MIEN1: variants seen among roughly 807,000 people sequenced by gnomAD.
MIEN1 encodes the protein HBV X-transactivated gene 4 protein.
MIEN1 carries 12 observed loss-of-function variants against 15.5 expected under a neutral mutation model. The observed-to-expected ratio is 0.78, with a 90% CI of 0.50 to 1.26. The LOEUF (loss-of-function observed/expected upper bound fraction) is 1.26. Ranked by LOEUF, MIEN1 falls within the 50% of genes most tolerant of loss-of-function variation. MIEN1 has a pLI of 0.00. For synonymous variants in MIEN1, 63 were observed against 62.8 expected (o/e 1.00, Z -0.02); for missense variants, 160 against 151.7 (o/e 1.05, Z -0.29).
chr17:39,730,295 G>A lies in MIEN1; in HGVS notation c.90-4C>T, dbSNP rs1043952417. ...CGCCTCGAAGCCGCAGGGTTCACTGGGGAGTCAAGAGATGGGGCTGGGCTG... is the reference window on the plus strand; with the variant it reads ...CGCCTCGAAGCCGCAGGGTTCACTGAGGAGTCAAGAGATGGGGCTGGGCTG... On this transcript the variant is annotated splice_polypyrimidine_tract_variant and splice_region_variant and intron_variant, in intron 1 of 3. Coordinates refer to ENST00000394231, the MANE Select transcript of MIEN1 (RefSeq NM_032339.5). The A allele has an allele frequency of 1.9e-6, 3 of 1,602,968 alleles. No individual in the cohort carries two copies. The highest frequency in any genetic ancestry group is 2.7e-5 in the African/African-American group (2 of 74,806).
rs2059898830 is a variant in MIEN1 at position 39,728,527 on chromosome 17, A to G, written c.*995T>C. On this transcript the variant is annotated 3_prime_UTR_variant, in exon 4 of 4. Coordinates refer to ENST00000394231, the MANE Select transcript of MIEN1 (RefSeq NM_032339.5). ...CAGAGTGCTTTTCTGTTTAGTTTTT[A>G]CTTTTTTTGTTTTGTTTTTTTAAAG... The G allele has an allele frequency of 8.5e-6, 2 of 235,860 alleles. No individual in the cohort carries two copies. Among genetic ancestry groups the G allele is most frequent in the Non-Finnish European group, 1.7e-5 (2 of 120,154 alleles). The allele number at this position is 235,860 out of a possible 1,614,324, so 14.6% of individuals were successfully genotyped here.
chr17:39,729,540 A>G lies in MIEN1; in HGVS notation c.330T>C (p.Pro110=). ...ETLEKITNSR[P]PCVIL ...TGTGCAGTCACAGGATGACGCAGGG[A>G]GGACGGCTGTTGGTGATCTTTTCTA... Residue 110 remains proline (P), a synonymous_variant, in exon 4 of 4, where the codon CCT becomes CCC. Coordinates refer to ENST00000394231, the MANE Select transcript of MIEN1 (RefSeq NM_032339.5). The G allele has an allele frequency of 1.2e-6, 2 of 1,613,944 alleles. No homozygotes were observed. The highest frequency in any genetic ancestry group is 1.7e-6 in the Non-Finnish European group (2 of 1,180,014).
chr17:39,729,442 C>A lies in MIEN1; in HGVS notation c.*80G>T. ...TAAGGAGCTAAGTAGGGGAAAGAGG[C>A]AGGGGGAGCTCCCAGCAGGACCAAA... is the stretch of plus-strand genomic sequence containing the variant. On this transcript the variant is annotated 3_prime_UTR_variant, in exon 4 of 4. Coordinates refer to ENST00000394231, the MANE Select transcript of MIEN1 (RefSeq NM_032339.5). The A allele has an allele frequency of 1.9e-6, 3 of 1,575,870 alleles. No individual in the cohort carries two copies. Among genetic ancestry groups the A allele is most frequent in the Admixed American group, 3.4e-5 (2 of 58,170 alleles).
chr17:39,729,305 G>A lies in MIEN1; in HGVS notation c.*217C>T, dbSNP rs139936417. On this transcript the variant is annotated 3_prime_UTR_variant, in exon 4 of 4. Coordinates refer to ENST00000394231, the MANE Select transcript of MIEN1 (RefSeq NM_032339.5). ...CACTTACCCTGGGAAGGGGGTATGA[G>A]GTGGCTGGAGAAGTGTTCATGGAGA... 4.5e-4 allele frequency: 272 copies of A among 599,238 alleles called. 1 individual carries two copies. In the East Asian group the frequency reaches 5.1e-3, roughly 11 times the overall value. 37.1% of individuals were successfully genotyped at this position (599,238 alleles called of 1,614,324 possible).
Position 39,729,718 on chromosome 17 carries a change from C to G in MIEN1, c.231G>C (p.Lys77Asn), listed in dbSNP as rs779088848. 6.2e-7 allele frequency: 1 copy of G among 1,614,088 alleles called. No individual in the cohort carries two copies. The highest frequency in any genetic ancestry group is 1.1e-5 in the South Asian group (1 of 91,082). ...CATAGGGAAAGCCCCCATTCTCCAG[C>G]TTGGAGAACACCAGCTGTCCATTTA... ...IEINGQLVFS[K>N]LENGGFPYEK... Residue 77 changes from lysine to asparagine, a missense_variant, in exon 3 of 4, where the codon AAG (lysine) becomes AAC (asparagine). By Grantham distance (94) the Lys-to-Asn change is moderately conservative. Transcript: ENST00000394231.
chr17:39,729,463 C>G lies in MIEN1; in HGVS notation c.*59G>C. The G allele has an allele frequency of 6.2e-7, 1 of 1,610,118 alleles. No homozygotes were observed. Among genetic ancestry groups the G allele is most frequent in the South Asian group, 1.1e-5 (1 of 90,782 alleles). ...GAGGCAGGGGGAGCTCCCAGCAGGA[C>G]CAAAGGGAGACCAAGGTTTGGACCC... is the stretch of plus-strand genomic sequence containing the variant. On this transcript the variant is annotated 3_prime_UTR_variant, in exon 4 of 4. Coordinates refer to ENST00000394231, the MANE Select transcript of MIEN1 (RefSeq NM_032339.5).
In MIEN1 at chr17:39,729,400, G is replaced by A. The variant is rs1287692464; in HGVS notation, c.*122C>T. ...CTTTGTACCCAAAGGGCAAAGTGGA[G>A]GCCAGGGTCTCTTTGCTAAGGAGCT... On this transcript the variant is annotated 3_prime_UTR_variant, in exon 4 of 4. Transcript: ENST00000394231. 3.2e-6 allele frequency: 4 copies of A among 1,254,708 alleles called. No individual in the cohort carries two copies. Among genetic ancestry groups the A allele is most frequent in the Middle Eastern group, 2.8e-4 (1 of 3,576 alleles). The allele number at this position is 1,254,708 out of a possible 1,614,324, so 77.7% of individuals were successfully genotyped here. A position where few individuals can be genotyped will look rare whatever the true frequency, so the allele number is the denominator to read the frequency against.
In MIEN1 at chr17:39,728,841, G is replaced by C. The variant is rs1429333727; in HGVS notation, c.*681C>G. 2 of 199,804 alleles carry C rather than the reference G, an allele frequency of 1.0e-5. No homozygotes were observed. Among genetic ancestry groups the C allele is most frequent in the African/African-American group, 4.6e-5 (2 of 43,434 alleles). The allele number at this position is 199,804 out of a possible 1,614,324, so 12.4% of individuals were successfully genotyped here. ...ATCGGGAAGCTGGATTCAGATCTGA[G>C]AGCCCTTTGACGACCAGATCATTCT... On this transcript the variant is annotated 3_prime_UTR_variant, in exon 4 of 4. Transcript: ENST00000394231.
intron 1 of MIEN1, 24 bp from the exon 2 acceptor site, chr17:39,730,315 G>A (rs764211016): frequency 3.8e-6 from 6 of 1,588,262 alleles, no homozygotes; most frequent in Non-Finnish European, 5.1e-6. Context: ...AGATGGGGCT[G>A]GGCTGGGGAT....
chr17:39,729,249 C>G lies in MIEN1; in HGVS notation c.*273G>C, dbSNP rs537652556. The G allele has an allele frequency of 1.9e-6, 1 of 518,842 alleles. No homozygotes were observed. The highest frequency in any genetic ancestry group is 1.9e-5 in the African/African-American group (1 of 52,558). The allele number at this position is 518,842 out of a possible 1,614,324, so 32.1% of individuals were successfully genotyped here. A position where few individuals can be genotyped will look rare whatever the true frequency, so the allele number is the denominator to read the frequency against. On this transcript the variant is annotated 3_prime_UTR_variant, in exon 4 of 4. Transcript: ENST00000394231. ...ATCTGTGGCATCAGACAGGTATTAC[C>G]GAGGCGAAGAGTGGACTGGGCTTTC...
In MIEN1 at chr17:39,729,510, A is replaced by C. The variant is rs749371206; in HGVS notation, c.*12T>G. 1 of 1,613,298 alleles carries C rather than the reference A, an allele frequency of 6.2e-7. No homozygotes were observed. Among genetic ancestry groups the C allele is most frequent in the South Asian group, 1.1e-5 (1 of 91,058 alleles). On this transcript the variant is annotated 3_prime_UTR_variant, in exon 4 of 4. Transcript: ENST00000394231. ...ACCCCAGAACAGAGCAGGAACCCAG[A>C]GTCCTGTGCAGTCACAGGATGACGC...
Position 39,730,458 on chromosome 17 carries a change from G to A in MIEN1, c.38C>T (p.Pro13Leu). ...GEPGQTSVAP[P>L]PEEVEPGSGV... is the part of the protein sequence containing the mutation. Reference sequence around the variant, plus strand: ...ACTGCCCGGCTCGACCTCCTCGGGAGGGGGCGCTACGGACGTCTGCCCCGG... The same window carrying A: ...ACTGCCCGGCTCGACCTCCTCGGGAAGGGGCGCTACGGACGTCTGCCCCGG... The change falls in exon 1 of 4, where the codon CCT becomes CTT. Residue 13 changes from proline (P) to leucine (L), a missense_variant. Transcript: ENST00000394231. 6.5e-7 allele frequency: 1 copy of A among 1,547,034 alleles called. No individual in the cohort carries two copies. Among genetic ancestry groups the A allele is most frequent in the Non-Finnish European group, 8.7e-7 (1 of 1,147,840 alleles).
In MIEN1 at chr17:39,730,500, G is replaced by A; in HGVS notation, c.-5C>T. On this transcript the variant is annotated 5_prime_UTR_variant, in exon 1 of 4. Transcript: ENST00000394231. Reference sequence around the variant, plus strand: ...CTGCCCCGGCTCCCCGCTCATCGCGGCCGGCTCCGCTCGGGCCCCTGCTTC... The same window carrying A: ...CTGCCCCGGCTCCCCGCTCATCGCGACCGGCTCCGCTCGGGCCCCTGCTTC... 1.3e-6 allele frequency: 2 copies of A among 1,530,734 alleles called. No individual in the cohort carries two copies. The highest frequency in any genetic ancestry group is 8.7e-7 in the Non-Finnish European group (1 of 1,143,468). The allele number at this position is 1,530,734 out of a possible 1,614,324, so 94.8% of individuals were successfully genotyped here.
At position 39,728,886 on chromosome 17, in the gene MIEN1, C is replaced by T. The variant is rs2059910601; in HGVS notation, c.*636G>A. ...CATTCTTATTTAGAACGAACTAATTCCTAAGGCCACTCACCAGAATGGGGT... is the reference window on the plus strand; with the variant it reads ...CATTCTTATTTAGAACGAACTAATTTCTAAGGCCACTCACCAGAATGGGGT... On this transcript the variant is annotated 3_prime_UTR_variant, in exon 4 of 4. Coordinates refer to ENST00000394231, the MANE Select transcript of MIEN1 (RefSeq NM_032339.5). 5.4e-6 allele frequency: 1 copy of T among 185,410 alleles called. No homozygotes were observed. The highest frequency in any genetic ancestry group is 1.1e-5 in the Non-Finnish European group (1 of 87,802). The allele number at this position is 185,410 out of a possible 1,614,324, so 11.5% of individuals were successfully genotyped here.
chr17:39,729,907 G>T, intron 2 of MIEN1, 146 bp from the exon 3 acceptor site: 2 of 1,062,684 alleles, frequency 1.9e-6, no homozygotes, highest in East Asian at 2.5e-5. Flanking sequence ...CCAACCCTGG[G>T]TCAACTCCAG....
rs2059927502 is a variant in MIEN1, at chr17:39,730,058, T to C, written c.187+136A>G. Reference sequence around the variant, plus strand: ...CACCCCCTGACCTATGGAAGGGAACTCATGTTGGCCGGACATTTTACCATG... The same window carrying C: ...CACCCCCTGACCTATGGAAGGGAACCCATGTTGGCCGGACATTTTACCATG... On this transcript the variant is annotated intron_variant, in intron 2 of 3. Transcript: ENST00000394231. The C allele has an allele frequency of 1.3e-5, 11 of 867,852 alleles. No homozygotes were observed. In the South Asian group the frequency reaches 1.6e-4, roughly 13 times the overall value. The allele number at this position is 867,852 out of a possible 1,614,324, so 53.8% of individuals were successfully genotyped here.
rs781122588 is a variant in MIEN1, at chr17:39,729,756, A to T, written c.193T>A (p.Phe65Ile). 2 of 1,614,174 alleles carry T rather than the reference A, an allele frequency of 1.2e-6. No individual in the cohort carries two copies. Among genetic ancestry groups the T allele is most frequent in the Non-Finnish European group, 1.7e-6 (2 of 1,180,028 alleles). Reference protein sequence around the residue: ...IESRLGGTGAFEIEINGQLVF... With the variant: ...IESRLGGTGAIEIEINGQLVF... ...AGCTGTCCATTTATCTCTATCTCAA[A>T]GGCACCTGGTAAGAAATCAACAGAT... The change falls in exon 3 of 4, where the codon TTT becomes ATT. Residue 65 changes from phenylalanine (F) to isoleucine (I), a missense_variant. By Grantham distance (21) the Phe-to-Ile change is conservative (BLOSUM62 0). Coordinates refer to ENST00000394231, the MANE Select transcript of MIEN1 (RefSeq NM_032339.5).
Position 39,729,629 on chromosome 17 carries a change from G to C in MIEN1, c.265-24C>G, listed in dbSNP as rs201857334. Reference sequence around the variant, plus strand: ...AGCTAGAGGAGTGGAATGACAGGATGATGCACTGTTGGGGTAGGGTGACCA... The same window carrying C: ...AGCTAGAGGAGTGGAATGACAGGATCATGCACTGTTGGGGTAGGGTGACCA... On this transcript the variant is annotated intron_variant, in intron 3 of 3. Coordinates refer to ENST00000394231, the MANE Select transcript of MIEN1 (RefSeq NM_032339.5). 931 of 1,614,130 alleles carry C rather than the reference G, an allele frequency of 5.8e-4. 5 individuals are homozygous for C. Among genetic ancestry groups the C allele is most frequent in the Non-Finnish European group, 4.9e-5 (58 of 1,180,010 alleles).
chr17:39,728,818 C>T lies in MIEN1; in HGVS notation c.*704G>A, dbSNP rs143093863. On this transcript the variant is annotated 3_prime_UTR_variant, in exon 4 of 4. Transcript: ENST00000394231. ...CTCCAGCTTCAGGGTTGGGGGAGATCGGGAAGCTGGATTCAGATCTGAGAG... is the reference window on the plus strand; with the variant it reads ...CTCCAGCTTCAGGGTTGGGGGAGATTGGGAAGCTGGATTCAGATCTGAGAG... The T allele has an allele frequency of 2.4e-3, 479 of 203,222 alleles. 1 individual carries two copies. The highest frequency in any genetic ancestry group is 9.5e-3 in the African/African-American group (413 of 43,676). The allele number at this position is 203,222 out of a possible 1,614,324, so 12.6% of individuals were successfully genotyped here.
Sources: gnomAD v4.1 joint callset for allele counts on GRCh38, gnomAD v4.1.1 for gene constraint, MANE v1.5 for transcripts, NCBI Gene and HGNC (gene_info 2026-07-23, HGNC 2026-07-21) for gene names.